The following PPP6R1 variants were observed in gnomAD, a reference collection of about 807,000 sequenced individuals.
PPP6R1 encodes the protein protein phosphatase 6 regulatory subunit 1, also known as serine/threonine-protein phosphatase 6 regulatory subunit 1.
In PPP6R1, 39 loss-of-function variants were observed where a neutral mutation model predicts 104.6. The ratio of observed to expected loss-of-function variants is 0.37; its 90% CI spans 0.29 to 0.49. The LOEUF (loss-of-function observed/expected upper bound fraction) is 0.49, where lower values mean the gene tolerates loss of function less well. Among genes scored for constraint, PPP6R1 ranks in the 20% least tolerant of loss-of-function variants. The pLI, the probability that PPP6R1 is intolerant of heterozygous loss-of-function variation, is 0.98. For missense variants in PPP6R1, 1,181 were observed against 1,155.8 expected, an observed-to-expected ratio of 1.02 and a Z score of -0.32; for synonymous variants, 549 against 479.0, an observed-to-expected ratio of 1.15 and a Z score of -1.91.
intron 1 of PPP6R1, among the ~76,000 whole-genome samples, chr19:55,257,466 T>G (rs947893879): frequency 2.0e-5 from 3 of 152,216 alleles, no homozygotes; most frequent in Non-Finnish European, 4.4e-5. Flanking sequence ...ATTCGAGGCC[T>G]GGATAAGCAC....
intron 17 of PPP6R1, among the ~76,000 whole-genome samples, chr19:55,235,061 C>G (rs1403819189): frequency 1.3e-5 from 2 of 152,034 alleles, no homozygotes; most frequent in African/African-American, 2.4e-5. Flanking sequence ...TGTTACATGT[C>G]AATAAAAAGT....
Position 55,244,251 on chromosome 19 carries a change from G to A in PPP6R1, c.618+869C>T, listed in dbSNP as rs552957997. Reference sequence around the variant, plus strand: ...CTGTGCGCCTCTGAGGCAGAAGTTGGCATTGGGAAGGACATGTTGCTCCCA... The same window carrying A: ...CTGTGCGCCTCTGAGGCAGAAGTTGACATTGGGAAGGACATGTTGCTCCCA... On this transcript the variant is annotated intron_variant, in intron 5 of 23. Coordinates refer to ENST00000412770, the MANE Select transcript of PPP6R1 (RefSeq NM_014931.4). Among the ~76,000 whole-genome samples, 138 of 152,330 alleles carry A rather than the reference G, an allele frequency of 9.1e-4. 2 individuals carry two copies. Among genetic ancestry groups the A allele is most frequent in the Admixed American group, 5.0e-3 (76 of 15,304 alleles).
At chr19:55,242,304 G>T (rs374254140) in intron 6 of PPP6R1, 25 bp from the exon 7 acceptor site, 14 of 1,613,500 alleles carry the variant, frequency 8.7e-6, no homozygotes, top group African/African-American at 6.7e-5. Flanking sequence ...GCAGGGGTCA[G>T]GGTGAGGGGC....
At chr19:55,242,661 T>A (rs557844117) in intron 5 of PPP6R1, 173 bp from the exon 6 acceptor site, 1 of 624,960 alleles carries the variant, frequency 1.6e-6, no homozygotes, top group Middle Eastern at 4.3e-4. Context: ...GGAGGGAAGA[T>A]GGTGGAGAGA....
At chr19:55,244,543 TG>T (rs1336246435) in intron 5 of PPP6R1, among the ~76,000 whole-genome samples, 1 of 152,148 alleles carries the variant, frequency 6.6e-6, no homozygotes, top group Non-Finnish European at 1.5e-5. Context: ...GGGACGGATG[TG>T]GGGCCAGCGC....
At position 55,250,448 on chromosome 19, in the gene PPP6R1, G is replaced by A. The variant is rs566955691; in HGVS notation, c.-6-3339C>T. ...TGAATGAGCGAGTTCCCGCTGAGCCGGCTCCAGCACTTGCTCTGCCTGAGG... is the reference window on the plus strand; with the variant it reads ...TGAATGAGCGAGTTCCCGCTGAGCCAGCTCCAGCACTTGCTCTGCCTGAGG... On this transcript the variant is annotated intron_variant, in intron 1 of 23. Transcript: ENST00000412770. Among the ~76,000 whole-genome samples the A allele has an allele frequency of 7.6e-4, 116 of 152,240 alleles. 1 individual carries two copies. The highest frequency in any genetic ancestry group is 7.5e-4 in the Non-Finnish European group (51 of 68,002).
rs2087330989 is a variant in PPP6R1, at chr19:55,230,543, G to A, written c.2643-12C>T. On this transcript the variant is annotated splice_polypyrimidine_tract_variant and intron_variant, in intron 23 of 23. Transcript: ENST00000412770. ...CACCAGGCAGCTATCTGGAAACAGAGGGAGATGTCGTGTGAGGGTCTAGCA... is the reference window on the plus strand; with the variant it reads ...CACCAGGCAGCTATCTGGAAACAGAAGGAGATGTCGTGTGAGGGTCTAGCA... 5.6e-6 allele frequency: 9 copies of A among 1,613,466 alleles called. No homozygotes were observed. Among genetic ancestry groups the A allele is most frequent in the South Asian group, 4.4e-5 (4 of 91,084 alleles).
chr19:55,240,899 C>G, intron 10 of PPP6R1, 46 bp downstream of exon 10: 1 of 1,589,320 alleles, frequency 6.3e-7, no homozygotes. Context: ...GGTGCGCCCA[C>G]AGGGGATGGG....
chr19:55,244,383 T>G (rs2032052019), intron 5 of PPP6R1, among the ~76,000 whole-genome samples: 1 of 152,150 alleles, frequency 6.6e-6, no homozygotes, highest in African/African-American at 2.4e-5. Context: ...CACATGGACA[T>G]GGGGTCCCCC....
At position 55,231,391 on chromosome 19, in the gene PPP6R1, G is replaced by GC. The variant is rs2087344403; in HGVS notation, c.2459+18dup. 3.8e-6 allele frequency: 6 copies of GC among 1,574,084 alleles called. No individual in the cohort carries two copies. The highest frequency in any genetic ancestry group is 5.2e-6 in the Non-Finnish European group (6 of 1,160,150). On this transcript the variant is annotated intron_variant, in intron 21 of 23. Transcript: ENST00000412770. ...AAAAGACTTCTCCCGATACTAGGCA[G>GC]CCCCACCTCGCTGCTCACCTGTCCG...
At chr19:55,240,442 G>A (rs970881439) in intron 10 of PPP6R1, 142 bp from the exon 11 acceptor site, 2 of 800,286 alleles carry the variant, frequency 2.5e-6, no homozygotes, top group Non-Finnish European at 4.0e-6. Flanking sequence ...AAGGAGGGAT[G>A]CAAGCTGGGG....
At chr19:55,237,787 A>C (rs2087412720) in intron 15 of PPP6R1, among the ~76,000 whole-genome samples, 3 of 152,224 alleles carry the variant, frequency 2.0e-5, no homozygotes, top group Admixed American at 2.0e-4. Context: ...AGGGCAGCCC[A>C]TGTCCCCGTG....
intron 1 of PPP6R1, among the ~76,000 whole-genome samples, chr19:55,256,273 A>G (rs996659637): frequency 6.6e-6 from 1 of 152,230 alleles, no homozygotes; most frequent in African/African-American, 2.4e-5. Flanking sequence ...GCAGTGGAGC[A>G]AAGTTCTCCT....
chr19:55,228,297 C>T (rs2087303491), downstream of PPP6R1: 1 of 1,613,674 alleles, frequency 6.2e-7, no homozygotes, highest in Non-Finnish European at 8.5e-7. Flanking sequence ...ACATGACCCA[C>T]AGGAACCCAG....
chr19:55,233,378 C>T (rs2087367065), intron 17 of PPP6R1, among the ~76,000 whole-genome samples: 1 of 152,184 alleles, frequency 6.6e-6, no homozygotes, highest in Admixed American at 6.5e-5. Flanking sequence ...AATGCTTCCC[C>T]CTAAGATCAG....
At position 55,231,968 on chromosome 19, in the gene PPP6R1, C is replaced by T; in HGVS notation, c.2140G>A (p.Ala714Thr). ...GPQPPGPSWT[A>T]TFDPVPTDAP... ...TCTGTAGGCACTGGGTCAAAGGTGGCTGTCCAGCTGGGGCCTGGGATAGAG... is the reference window on the plus strand; with the variant it reads ...TCTGTAGGCACTGGGTCAAAGGTGGTTGTCCAGCTGGGGCCTGGGATAGAG... The change falls in exon 19 of 24, where the codon GCC becomes ACC. Residue 714 changes from alanine (A) to threonine (T), a missense_variant. By Grantham distance (58) the Ala-to-Thr change is moderately conservative. Coordinates refer to ENST00000412770, the MANE Select transcript of PPP6R1 (RefSeq NM_014931.4). The T allele has an allele frequency of 1.3e-6, 2 of 1,597,620 alleles. No homozygotes were observed. Among genetic ancestry groups the T allele is most frequent in the Non-Finnish European group, 1.7e-6 (2 of 1,169,086 alleles).
At chr19:55,236,337 TAG>T (rs1182716607) in intron 17 of PPP6R1, 2 of 316,570 alleles carry the variant, frequency 6.3e-6, no homozygotes, top group Non-Finnish European at 1.2e-5. Flanking sequence ...GTATTTTTTG[TAG>T]AGACAGGATC....
intron 1 of PPP6R1, among the ~76,000 whole-genome samples, chr19:55,248,263 G>C (rs1005479368): frequency 1.3e-5 from 2 of 152,214 alleles, no homozygotes; most frequent in African/African-American, 4.8e-5. Flanking sequence ...CAGCCCCCAA[G>C]AAAGCTGTCA....
At position 55,232,227 on chromosome 19, in the gene PPP6R1, C is replaced by T; in HGVS notation, c.1989-16G>A. 6.5e-7 allele frequency: 1 copy of T among 1,531,694 alleles called. No homozygotes were observed. Among genetic ancestry groups the T allele is most frequent in the South Asian group, 1.2e-5 (1 of 80,690 alleles). 94.9% of individuals were successfully genotyped at this position (1,531,694 alleles called of 1,614,324 possible). On this transcript the variant is annotated splice_polypyrimidine_tract_variant and intron_variant, in intron 17 of 23. Coordinates refer to ENST00000412770, the MANE Select transcript of PPP6R1 (RefSeq NM_014931.4). ...GCCTCCACTCCTGCCCCAGAAACCACCTCGTCAGCTAGCTGTGTGGGACAG... is the reference window on the plus strand; with the variant it reads ...GCCTCCACTCCTGCCCCAGAAACCATCTCGTCAGCTAGCTGTGTGGGACAG...
Sources: allele counts gnomAD v4.1 joint callset (sites outside exome capture counted in the v4.1 genomes callset), GRCh38; gene constraint gnomAD v4.1.1; transcripts MANE v1.5; gene names NCBI Gene and HGNC (gene_info 2026-07-23, HGNC 2026-07-21).